Variants in TSNARE1 observed in about 807,000 individuals in gnomAD.
The protein encoded by TSNARE1 is t-SNARE domain-containing protein 1.
TSNARE1 carries 49 observed loss-of-function variants against 62.0 expected under a neutral mutation model. The observed-to-expected ratio is 0.79, with a 90% CI of 0.63 to 1.00. The LOEUF (loss-of-function observed/expected upper bound fraction) is 1.00, where lower values mean the gene tolerates loss of function less well. Ranked by LOEUF, TSNARE1 falls within the 50% of genes least tolerant of loss-of-function variation. The pLI, the probability that TSNARE1 is intolerant of heterozygous loss-of-function variation, is 0.00. For missense variants in TSNARE1, 755 were observed against 700.1 expected (o/e 1.08, Z -0.88); for synonymous variants, 328 against 294.4 (o/e 1.11, Z -1.17).
chr8:142,350,593 T>C (rs886827581), intron 2 of TSNARE1, among the ~76,000 whole-genome samples: 1 of 151,238 alleles, frequency 6.6e-6, no homozygotes, highest in Non-Finnish European at 1.5e-5. Flanking sequence ...CATTCAACAC[T>C]GCAGTAGAGG....
chr8:142,317,450 A>G (rs1418501568), intron 7 of TSNARE1, among the ~76,000 whole-genome samples: 2 of 151,794 alleles, frequency 1.3e-5, no homozygotes, highest in Non-Finnish European at 2.9e-5. Flanking sequence ...GGTGTGGGCA[A>G]GCGGCTCACA....
At chr8:142,247,456 T>C (rs1361573777) in intron 12 of TSNARE1, 1 of 152,310 alleles carries the variant, frequency 6.6e-6, no homozygotes, top group East Asian at 1.9e-4. Flanking sequence ...GAAATGTCTG[T>C]CCTATGCCTG....
chr8:142,313,380 ATGTCTATGTGTCTGCG>A (rs1827942845), intron 9 of TSNARE1, among the ~76,000 whole-genome samples: 1 of 141,276 alleles, frequency 7.1e-6, no homozygotes, highest in Non-Finnish European at 1.5e-5. Context: ...ATGTGTCTGC[ATGTCTATGTGTCTGCG>A]TGTCTGTGTT....
At chr8:142,263,576 G>A (rs1217868508) in intron 12 of TSNARE1, among the ~76,000 whole-genome samples, 1 of 152,136 alleles carries the variant, frequency 6.6e-6, no homozygotes, top group Non-Finnish European at 1.5e-5. Flanking sequence ...TGTAAGACTG[G>A]ATTTCTTCCT....
At chr8:142,272,857 TCA>T in intron 12 of TSNARE1, 3 of 981,640 alleles carry the variant, frequency 3.1e-6, no homozygotes, top group Non-Finnish European at 3.6e-6. Flanking sequence ...AGAGGCAACT[TCA>T]CAGATGCCTC....
chr8:142,346,939 C>A (rs1329296106), intron 2 of TSNARE1, among the ~76,000 whole-genome samples: 1 of 152,230 alleles, frequency 6.6e-6, no homozygotes, highest in Non-Finnish European at 1.5e-5. Flanking sequence ...ATCGGACCCC[C>A]ACGAGGTGGG....
intron 1 of TSNARE1, among the ~76,000 whole-genome samples, chr8:142,377,545 C>T (rs749309328): frequency 2.6e-5 from 4 of 152,158 alleles, no homozygotes; most frequent in Non-Finnish European, 5.9e-5. Context: ...GGAAGGCAGG[C>T]GAGCGCCCCA....
At chr8:142,356,242 C>G (rs1834723570) in intron 1 of TSNARE1, among the ~76,000 whole-genome samples, 1 of 152,206 alleles carries the variant, frequency 6.6e-6, no homozygotes, top group Admixed American at 6.5e-5. Flanking sequence ...CACGAAAACA[C>G]CCGGCCCCAC....
intron 4 of TSNARE1, among the ~76,000 whole-genome samples, chr8:142,336,526 A>G (rs185577311): frequency 6.0e-4 from 92 of 152,286 alleles, no homozygotes; most frequent in African/African-American, 2.2e-3. Context: ...AGATAAAACA[A>G]TTCTAAGTAT....
chr8:142,236,292 C>T (rs940184330), intron 12 of TSNARE1, among the ~76,000 whole-genome samples: 24 of 151,630 alleles, frequency 1.6e-4, no homozygotes, highest in African/African-American at 5.3e-4. Context: ...CAGGGCAGGG[C>T]AGGTTCAGAG....
chr8:142,255,316 C>G (rs1818371052), intron 12 of TSNARE1, among the ~76,000 whole-genome samples: 1 of 151,408 alleles, frequency 6.6e-6, no homozygotes, highest in Admixed American at 6.6e-5. Flanking sequence ...CCTACCAGAC[C>G]AGCCACATCA....
intron 12 of TSNARE1, among the ~76,000 whole-genome samples, chr8:142,232,154 C>A (rs932508994): frequency 6.6e-6 from 1 of 152,252 alleles, no homozygotes; most frequent in Non-Finnish European, 1.5e-5. Context: ...ACTTGGGGTG[C>A]CATGCCCTGG....
At chr8:142,271,442 G>A (rs1012924155) in intron 12 of TSNARE1, 17 of 1,258,858 alleles carry the variant, frequency 1.4e-5, no homozygotes, top group Non-Finnish European at 1.7e-5. Flanking sequence ...GGACGTTTCA[G>A]ATGCTGCCGC....
At position 142,354,692 on chromosome 8, in the gene TSNARE1, G is replaced by T. The variant is rs1367338691; in HGVS notation, c.33C>A (p.Gly11=). The T allele has an allele frequency of 3.1e-6, 5 of 1,613,440 alleles. No homozygotes were observed. Among genetic ancestry groups the T allele is most frequent in the Admixed American group, 3.3e-5 (2 of 59,964 alleles). Residue 11 remains glycine, a synonymous_variant, in exon 2 of 14, where the codon GGC becomes GGA. Transcript: ENST00000524325. ...CCCCGAAAGGGCCACGGCTCCCCAG[G>T]CCACCTCCACGGGCGATGGATCCGT... MSYGSIARGG[G]LGSRGPFGGP... is the part of the protein sequence containing the mutation.
intron 11 of TSNARE1, among the ~76,000 whole-genome samples, chr8:142,283,204 T>G (rs1488869480): frequency 6.8e-6 from 1 of 147,450 alleles, no homozygotes; most frequent in Non-Finnish European, 1.5e-5. Context: ...CCACTGTCTG[T>G]CTAAGGGCAA....
intron 9 of TSNARE1, among the ~76,000 whole-genome samples, chr8:142,305,621 C>T (rs535989993): frequency 1.4e-3 from 208 of 152,262 alleles, no homozygotes; most frequent in African/African-American, 4.9e-3. Flanking sequence ...GCTTAGACGC[C>T]CGGGTCCCTC....
intron 12 of TSNARE1, among the ~76,000 whole-genome samples, chr8:142,249,021 G>T (rs1016366576): frequency 1.3e-5 from 2 of 152,322 alleles, no homozygotes; most frequent in Admixed American, 6.5e-5. Context: ...ACCTCTCAAA[G>T]CCTGAGTCTC....
intron 6 of TSNARE1, among the ~76,000 whole-genome samples, chr8:142,324,785 G>A (rs563904006): frequency 6.6e-6 from 1 of 152,240 alleles, no homozygotes; most frequent in Admixed American, 6.5e-5. Flanking sequence ...CCAGCTTCCA[G>A]GTGACACACT....
intron 7 of TSNARE1, among the ~76,000 whole-genome samples, chr8:142,316,145 AAATG>A (rs1410994285): frequency 6.8e-6 from 1 of 147,234 alleles, no homozygotes; most frequent in African/African-American, 2.4e-5. Flanking sequence ...ATGAAGGAGT[AAATG>A]AATAAGTGAC....
Sources: gnomAD v4.1 joint callset for allele counts (sites outside exome capture counted in the v4.1 genomes callset) on GRCh38, gnomAD v4.1.1 for gene constraint, MANE v1.5 for transcripts, NCBI Gene and HGNC (gene_info 2026-07-23, HGNC 2026-07-21) for gene names.